Variants in ASXL2 observed in about 807,000 individuals in gnomAD.
ASXL2 encodes ASXL transcriptional regulator 2.
Under a neutral mutation model 122.0 loss-of-function variants are expected in ASXL2, and 23 were observed. That is an observed-to-expected ratio of 0.19 (90% CI 0.14 to 0.27). ASXL2 has a LOEUF of 0.27. Among genes scored for constraint, ASXL2 ranks in the 10% least tolerant of loss-of-function variants. ASXL2 has a pLI of 1.00. For missense variants in ASXL2, 1,518 were observed against 1,713.8 expected, an observed-to-expected ratio of 0.89 and a Z score of 2.02; for synonymous variants, 650 against 637.0, an observed-to-expected ratio of 1.02 and a Z score of -0.31.
chr2:25,753,674 A>G, intron 10 of ASXL2, 35 bp from the exon 11 acceptor site: 1 of 1,484,022 alleles, frequency 6.7e-7, no homozygotes, highest in Non-Finnish European at 9.3e-7. Context: ...TTCAATAGAA[A>G]AATGCTATTT....
At chr2:25,835,762 A>G (rs1395371850) in intron 2 of ASXL2, among the ~76,000 whole-genome samples, 1 of 152,244 alleles carries the variant, frequency 6.6e-6, no homozygotes, top group East Asian at 1.9e-4. Flanking sequence ...AAATTTAGCT[A>G]AACAGTCTAA....
chr2:25,807,986 TACAC>T (rs147273836), intron 3 of ASXL2, among the ~76,000 whole-genome samples: 9,972 of 131,790 alleles, frequency 0.076, 1,951 homozygotes, highest in East Asian at 0.7. Context: ...AATCAGCTTT[TACAC>T]ACACACACAC....
At chr2:25,865,860 T>C (rs1409886432) in intron 1 of ASXL2, among the ~76,000 whole-genome samples, 1 of 151,600 alleles carries the variant, frequency 6.6e-6, no homozygotes, top group East Asian at 1.9e-4. Context: ...CGCTGGACTG[T>C]TAACTACATC....
chr2:25,797,616 G>A (rs1222225023), intron 5 of ASXL2, among the ~76,000 whole-genome samples: 2 of 152,164 alleles, frequency 1.3e-5, no homozygotes, highest in African/African-American at 4.8e-5. Flanking sequence ...ATATGTAGAT[G>A]GCAAACAAGT....
At chr2:25,748,033 C>G (rs1240180152) in intron 12 of ASXL2, among the ~76,000 whole-genome samples, 1 of 151,342 alleles carries the variant, frequency 6.6e-6, no homozygotes, top group Non-Finnish European at 1.5e-5. Context: ...AAAAATTAGC[C>G]AGGCGTCGTG....
intron 1 of ASXL2, among the ~76,000 whole-genome samples, chr2:25,868,942 A>G (rs2089932074): frequency 6.6e-6 from 1 of 152,070 alleles, no homozygotes. Context: ...AGGTGGGTGG[A>G]TCACCTCAGG....
At chr2:25,872,042 C>A (rs1432657651) in intron 1 of ASXL2, among the ~76,000 whole-genome samples, 2 of 152,036 alleles carry the variant, frequency 1.3e-5, no homozygotes, top group East Asian at 3.9e-4. Context: ...CATAACAGAT[C>A]TATGGGATAA....
At chr2:25,820,595 A>G (rs1197275739) in intron 3 of ASXL2, among the ~76,000 whole-genome samples, 1 of 152,242 alleles carries the variant, frequency 6.6e-6, no homozygotes, top group African/African-American at 2.4e-5. Flanking sequence ...ACAGGCTGTT[A>G]GGAGGAGCCA....
chr2:25,748,115 C>G (rs915677555), intron 12 of ASXL2, among the ~76,000 whole-genome samples: 16 of 152,098 alleles, frequency 1.1e-4, no homozygotes, highest in African/African-American at 3.9e-4. Context: ...GAGGTGGAGG[C>G]TGCAGTGAGC....
Position 25,878,347 on chromosome 2 carries a change from G to C in ASXL2, c.-125C>G, listed in dbSNP as rs940267598. 13 of 984,884 alleles carry C rather than the reference G, an allele frequency of 1.3e-5. No homozygotes were observed. In the East Asian group the frequency reaches 3.3e-4, roughly 25 times the overall value. The allele number at this position is 984,884 out of a possible 1,614,324, so 61.0% of individuals were successfully genotyped here. On this transcript the variant is annotated 5_prime_UTR_variant, in exon 1 of 13. Transcript: ENST00000435504. ...GTGGGAGAAAAGGGAAGTCAGACCG[G>C]GGGGGCACCCAAGCAGAGGAAGCGG...
intron 1 of ASXL2, among the ~76,000 whole-genome samples, chr2:25,856,180 C>A (rs1324140529): frequency 6.6e-6 from 1 of 151,848 alleles, no homozygotes; most frequent in Non-Finnish European, 1.5e-5. Context: ...CCTCAGCCTC[C>A]CAAGTAGCTG....
intron 1 of ASXL2, among the ~76,000 whole-genome samples, chr2:25,854,287 C>G (rs2089752394): frequency 6.6e-6 from 1 of 152,204 alleles, no homozygotes; most frequent in South Asian, 2.1e-4. Context: ...ACAGTTAATA[C>G]TTATCTAGCA....
intron 2 of ASXL2, among the ~76,000 whole-genome samples, chr2:25,840,559 A>C (rs572217852): frequency 3.3e-5 from 5 of 152,294 alleles, no homozygotes; most frequent in Admixed American, 3.3e-4. Flanking sequence ...GGTAACCTCT[A>C]TTCTACTTTC....
chr2:25,831,687 TAAAAAG>T (rs1427667123), intron 3 of ASXL2, among the ~76,000 whole-genome samples: 2 of 151,758 alleles, frequency 1.3e-5, no homozygotes, highest in Non-Finnish European at 2.9e-5. Context: ...TAACAGGATT[TAAAAAG>T]AAAAAGAAAA....
intron 5 of ASXL2, among the ~76,000 whole-genome samples, chr2:25,786,531 G>C (rs561166513): frequency 7.2e-5 from 11 of 151,836 alleles, no homozygotes; most frequent in African/African-American, 2.7e-4. Context: ...GAGCCACCAC[G>C]CCCGGCCCAC....
intron 3 of ASXL2, among the ~76,000 whole-genome samples, chr2:25,820,383 T>C (rs986252244): frequency 1.1e-4 from 16 of 152,220 alleles, no homozygotes; most frequent in Admixed American, 6.5e-5. Flanking sequence ...ATATACCATA[T>C]AAAGTTAAAT....
intron 3 of ASXL2, among the ~76,000 whole-genome samples, chr2:25,825,439 C>T (rs2089365032): frequency 1.3e-5 from 2 of 152,198 alleles, no homozygotes; most frequent in Admixed American, 1.3e-4. Flanking sequence ...CACTAAACAG[C>T]AACCATCTTC....
At chr2:25,765,927 A>G (rs1214668202) in intron 8 of ASXL2, among the ~76,000 whole-genome samples, 1 of 152,218 alleles carries the variant, frequency 6.6e-6, no homozygotes, top group African/African-American at 2.4e-5. Flanking sequence ...TTCGGTTTAA[A>G]TATGTGATAT....
rs2087860001 is a variant in ASXL2 at position 25,742,971 on chromosome 2, C to T, written c.3366G>A (p.Gly1122=). 1.2e-6 allele frequency: 2 copies of T among 1,613,850 alleles called. No homozygotes were observed. Among genetic ancestry groups the T allele is most frequent in the Non-Finnish European group, 1.7e-6 (2 of 1,179,898 alleles). ...AGGTAGAAATATTCAGTAAGTAGTGCCCTGCCATTGCAGGTTTGGATGTCC... is the reference window on the plus strand; with the variant it reads ...AGGTAGAAATATTCAGTAAGTAGTGTCCTGCCATTGCAGGTTTGGATGTCC... ...GRRTSKPAMA[G]HYLLNISTYG... is the part of the protein sequence containing the mutation. The change falls in exon 13 of 13, where the codon GGG becomes GGA. Residue 1122 remains glycine (G), a synonymous_variant. Coordinates refer to ENST00000435504, the MANE Select transcript of ASXL2 (RefSeq NM_018263.6).
Sources: allele counts gnomAD v4.1 joint callset (sites outside exome capture counted in the v4.1 genomes callset), GRCh38; gene constraint gnomAD v4.1.1; transcripts MANE v1.5; gene names NCBI Gene and HGNC (gene_info 2026-07-23, HGNC 2026-07-21).